The following FER variants were observed in gnomAD, a reference collection of about 807,000 sequenced individuals.
FER encodes FER tyrosine kinase, also known as tyrosine-protein kinase Fer.
In FER, 63 loss-of-function variants were observed where a neutral mutation model predicts 111.0. The observed-to-expected ratio is 0.57, with a 90% CI of 0.46 to 0.70. The LOEUF is 0.70. Ranked by LOEUF, FER falls within the 30% of genes least tolerant of loss-of-function variation. The pLI, the probability that FER is intolerant of heterozygous loss-of-function variation, is 0.00. For missense variants in FER, 914 were observed against 954.0 expected (o/e 0.96, Z 0.55); for synonymous variants, 327 against 313.9 (o/e 1.04, Z -0.44).
At chr5:108,922,986 C>T (rs948838694) in intron 10 of FER, among the ~76,000 whole-genome samples, 6 of 152,102 alleles carry the variant, frequency 3.9e-5, no homozygotes, top group Non-Finnish European at 8.8e-5. Flanking sequence ...GAATATGTGG[C>T]ATCAGCTATT....
chr5:109,078,101 G>A (rs1561866490), intron 16 of FER, among the ~76,000 whole-genome samples: 2 of 152,288 alleles, frequency 1.3e-5, no homozygotes, highest in African/African-American at 2.4e-5. Flanking sequence ...GTATCCAGGA[G>A]TGCTTCAGAA....
chr5:109,021,587 T>C (rs1767929537), intron 13 of FER, among the ~76,000 whole-genome samples: 1 of 152,074 alleles, frequency 6.6e-6, no homozygotes, highest in South Asian at 2.1e-4. Context: ...TAGCTTTTAG[T>C]TTATAATGAA....
intron 17 of FER, among the ~76,000 whole-genome samples, chr5:109,104,953 C>T (rs553537729): frequency 6.6e-6 from 1 of 152,082 alleles, no homozygotes; most frequent in South Asian, 2.1e-4. Flanking sequence ...CCATGTTAGC[C>T]AGGATGGTCT....
chr5:108,922,891 C>T (rs1224151435), intron 10 of FER, among the ~76,000 whole-genome samples: 1 of 152,130 alleles, frequency 6.6e-6, no homozygotes, highest in Admixed American at 6.5e-5. Flanking sequence ...AGAGCAGTGA[C>T]TTAATCTAAG....
chr5:108,810,986 A>C (rs1757698147), intron 3 of FER, among the ~76,000 whole-genome samples: 1 of 152,104 alleles, frequency 6.6e-6, no homozygotes, highest in African/African-American at 2.4e-5. Context: ...ATCTATGCAC[A>C]GGAAGGGTGG....
intron 11 of FER, among the ~76,000 whole-genome samples, chr5:108,948,677 A>G (rs998853433): frequency 1.3e-5 from 2 of 152,044 alleles, no homozygotes; most frequent in Non-Finnish European, 2.9e-5. Context: ...ATTTAATGAG[A>G]TCTGTTCCAG....
intron 13 of FER, among the ~76,000 whole-genome samples, chr5:108,997,578 A>C (rs144393111): frequency 6.6e-6 from 1 of 151,892 alleles, no homozygotes; most frequent in Non-Finnish European, 1.5e-5. Flanking sequence ...TTCTAATACT[A>C]TGTTCAATAG....
intron 3 of FER, among the ~76,000 whole-genome samples, chr5:108,803,203 A>C (rs921253540): frequency 1.3e-5 from 2 of 151,118 alleles, no homozygotes; most frequent in African/African-American, 4.9e-5. Flanking sequence ...TTTCTTGATG[A>C]TTTGTTTAAG....
At chr5:108,753,847 C>G (rs1411734806) in intron 1 of FER, among the ~76,000 whole-genome samples, 1 of 152,144 alleles carries the variant, frequency 6.6e-6, no homozygotes, top group Non-Finnish European at 1.5e-5. Flanking sequence ...AAGCACTGAA[C>G]TGACTTAGCA....
chr5:108,898,066 C>A (rs1451282775), intron 10 of FER, among the ~76,000 whole-genome samples: 1 of 152,112 alleles, frequency 6.6e-6, no homozygotes, highest in Non-Finnish European at 1.5e-5. Flanking sequence ...GGAAAAAGTT[C>A]TTCTCTTGCC....
At chr5:108,890,837 C>G (rs1747933030) in intron 9 of FER, among the ~76,000 whole-genome samples, 1 of 152,016 alleles carries the variant, frequency 6.6e-6, no homozygotes, top group Non-Finnish European at 1.5e-5. Context: ...GGAGCTAGTA[C>G]AAATAAAGGT....
chr5:109,101,249 G>A (rs564019655), intron 17 of FER, among the ~76,000 whole-genome samples: 1 of 152,036 alleles, frequency 6.6e-6, no homozygotes, highest in East Asian at 1.9e-4. Flanking sequence ...CAATGAAGTG[G>A]AGAACTGATG....
At position 109,181,679 on chromosome 5, in the gene FER, A is replaced by G. The variant is rs549812229; in HGVS notation, c.2203+778A>G. ...AATGAAAAATTACCTCATTATGGAA[A>G]CTAATTTGTAAAGCATTTATAAATG... is the stretch of plus-strand genomic sequence containing the variant. On this transcript the variant is annotated intron_variant, in intron 18 of 19. Coordinates refer to ENST00000281092, the MANE Select transcript of FER (RefSeq NM_005246.4). 2.0e-5 allele frequency among the ~76,000 whole-genome samples: 3 copies of G among 152,312 alleles called. No homozygotes were observed. The South Asian group carries it at 6.2e-4, about 32-fold the overall frequency.
chr5:108,840,722 G>T (rs1761176001), intron 5 of FER, among the ~76,000 whole-genome samples: 1 of 152,130 alleles, frequency 6.6e-6, no homozygotes, highest in African/African-American at 2.4e-5. Flanking sequence ...AGATGACGAT[G>T]TATACTTTAT....
chr5:109,139,339 CTTCT>C lies in FER; in HGVS notation c.2048+38831_2048+38834del, dbSNP rs760594735. ...GGCAGGGCCTATGTCTTTACTTCTC[CTTCT>C]TTCTTTCTTTTTTTTTTTTTTTTTT... On this transcript the variant is annotated intron_variant, in intron 17 of 19. Coordinates refer to ENST00000281092, the MANE Select transcript of FER (RefSeq NM_005246.4). 2.1e-4 allele frequency among the ~76,000 whole-genome samples: 26 copies of C among 121,434 alleles called. 1 individual carries two copies. Among genetic ancestry groups the C allele is most frequent in the Admixed American group, 2.6e-4 (3 of 11,536 alleles). 79.7% of individuals were successfully genotyped at this position (121,434 alleles called of 152,430 possible). A position where few individuals can be genotyped will look rare whatever the true frequency, so the allele number is the denominator to read the frequency against.
chr5:109,031,580 T>G (rs941911427), intron 13 of FER, among the ~76,000 whole-genome samples: 2 of 152,134 alleles, frequency 1.3e-5, no homozygotes, highest in African/African-American at 4.8e-5. Context: ...TTGTTTAAGC[T>G]CTCCATGGCC....
chr5:108,836,183 A>G (rs1201696291), intron 5 of FER, among the ~76,000 whole-genome samples: 2 of 152,116 alleles, frequency 1.3e-5, no homozygotes, highest in African/African-American at 4.8e-5. Flanking sequence ...TGTATTATTT[A>G]AGTCATTAAA....
chr5:109,072,099 CT>C (rs2149997027), intron 16 of FER, among the ~76,000 whole-genome samples: 2 of 151,464 alleles, frequency 1.3e-5, no homozygotes, highest in East Asian at 3.9e-4. Flanking sequence ...ATACATTGTA[CT>C]GTTTGATATA....
intron 4 of FER, among the ~76,000 whole-genome samples, chr5:108,834,620 C>T (rs1434136018): frequency 6.6e-6 from 1 of 150,786 alleles, no homozygotes; most frequent in East Asian, 1.9e-4. Context: ...ATTGCTTGAA[C>T]ACTGGAGGCA....
Sources: gnomAD v4.1 joint callset for allele counts (sites outside exome capture counted in the v4.1 genomes callset) on GRCh38, gnomAD v4.1.1 for gene constraint, MANE v1.5 for transcripts, NCBI Gene and HGNC (gene_info 2026-07-23, HGNC 2026-07-21) for gene names.